FAM184A: variants seen among roughly 807,000 people sequenced by gnomAD.
FAM184A encodes the protein family with sequence similarity 184 member A, also known as protein FAM184A.
FAM184A carries 99 observed loss-of-function variants against 143.8 expected under a neutral mutation model. The ratio of observed to expected loss-of-function variants is 0.69; its 90% CI spans 0.58 to 0.81. FAM184A has a LOEUF of 0.81. FAM184A is among the 40% of genes least tolerant of loss of function. The pLI is 0.00. For missense variants in FAM184A, 1,217 were observed against 1,310.5 expected, an observed-to-expected ratio of 0.93 and a Z score of 1.10; for synonymous variants, 427 against 446.4, an observed-to-expected ratio of 0.96 and a Z score of 0.55.
chr6:119,137,173 G>T (rs528682485), intron 1 of FAM184A, among the ~76,000 whole-genome samples: 1 of 152,278 alleles, frequency 6.6e-6, no homozygotes, highest in Admixed American at 6.5e-5. Flanking sequence ...TGGGATCAGG[G>T]TGCCAGCCTA....
chr6:119,047,267 G>C (rs1412519107), intron 1 of FAM184A, among the ~76,000 whole-genome samples: 1 of 152,166 alleles, frequency 6.6e-6, no homozygotes, highest in Non-Finnish European at 1.5e-5. Context: ...GGGAACCCTT[G>C]TACACTATGG....
chr6:119,118,936 G>A (rs985739598), intron 1 of FAM184A, among the ~76,000 whole-genome samples: 1 of 152,136 alleles, frequency 6.6e-6, no homozygotes, highest in East Asian at 1.9e-4. Flanking sequence ...GAGAAATATC[G>A]CTGAATTCTT....
chr6:119,019,019 T>C (rs1785357778), intron 4 of FAM184A, among the ~76,000 whole-genome samples: 1 of 152,038 alleles, frequency 6.6e-6, no homozygotes, highest in African/African-American at 2.4e-5. Context: ...GTGGAAAGGA[T>C]AAAAGACTTA....
chr6:118,990,155 C>T (rs1443641000), intron 9 of FAM184A, among the ~76,000 whole-genome samples: 1 of 152,106 alleles, frequency 6.6e-6, no homozygotes, highest in African/African-American at 2.4e-5. Flanking sequence ...GAACTGATGT[C>T]CTAGTACTAG....
chr6:119,133,796 A>G (rs77285873), intron 1 of FAM184A, among the ~76,000 whole-genome samples: 3,443 of 152,160 alleles, frequency 0.023, 118 homozygotes, highest in African/African-American at 0.074. Flanking sequence ...GCATACCACC[A>G]CACCTGGCTA....
chr6:119,112,231 A>C lies in FAM184A; in HGVS notation c.-202+36847T>G, dbSNP rs2114849488. 2.0e-5 allele frequency among the ~76,000 whole-genome samples: 3 copies of C among 151,882 alleles called. 1 individual carries two copies. The highest frequency in any genetic ancestry group is 6.8e-3 in the Middle Eastern group (2 of 294). The stretch of plus-strand genomic sequence containing the variant: ...ATCACAACCTCCGCCTCCCGGGTTC[A>C]AGCAATTCTCCTGCCTCAGCCTCCT... On this transcript the variant is annotated intron_variant, in intron 1 of 16. Coordinates refer to the FAM184A transcript ENST00000352896.
intron 2 of FAM184A, 137 bp downstream of exon 2, chr6:119,023,822 T>TAAAAAAAAA (rs11353751): frequency 2.6e-6 from 1 of 389,420 alleles, no homozygotes; most frequent in Non-Finnish European, 4.2e-6. Context: ...CAGGAAAAGT[T>TAAAAAAAAA]AAAAAAAAAA....
intron 1 of FAM184A, among the ~76,000 whole-genome samples, chr6:119,052,485 G>A (rs910751590): frequency 1.2e-4 from 19 of 152,132 alleles, no homozygotes; most frequent in African/African-American, 9.7e-5. Flanking sequence ...CTGATCTTTC[G>A]GCTTCCCCTC....
At position 118,975,969 on chromosome 6, in the gene FAM184A, A is replaced by G; in HGVS notation, c.2531T>C (p.Leu844Ser). The G allele has an allele frequency of 6.2e-7, 1 of 1,613,596 alleles. No individual in the cohort carries two copies. The highest frequency in any genetic ancestry group is 1.1e-5 in the South Asian group (1 of 91,022). The change falls in exon 12 of 18, where the codon TTG becomes TCG. Residue 844 changes from leucine to serine, a missense_variant. Physicochemically the swap from Leu to Ser is moderately radical, Grantham distance 145. Coordinates refer to ENST00000338891, the MANE Select transcript of FAM184A (RefSeq NM_024581.6). ...CTCTAATTCCATTTTAGCAGCTGCC[A>G]ATTCTTGATGATGATTATGCCGTAA... Reference protein sequence around the residue: ...DLLRHNHHQELAAAKMELERS... With the variant: ...DLLRHNHHQESAAAKMELERS...
Position 119,023,564 on chromosome 6 carries a change from C to CTG in FAM184A, c.1014+394_1014+395insCA, listed in dbSNP as rs1324427094. Among the ~76,000 whole-genome samples, 3 of 112,204 alleles carry CTG rather than the reference C, an allele frequency of 2.7e-5. 1 individual carries two copies. Among genetic ancestry groups the CTG allele is most frequent in the Middle Eastern group, 4.8e-3 (1 of 210 alleles). 73.6% of individuals were successfully genotyped at this position (112,204 alleles called of 152,430 possible). On this transcript the variant is annotated intron_variant, in intron 2 of 17. Transcript: ENST00000338891. ...ATTAGCAATATTGTCCGCCCCCCCC[C>CTG]CCAGGAACAGCGTATTACCTCGCTA...
At chr6:119,145,256 G>T (rs1039231179) in intron 1 of FAM184A, among the ~76,000 whole-genome samples, 3 of 152,190 alleles carry the variant, frequency 2.0e-5, no homozygotes, top group Non-Finnish European at 4.4e-5. Context: ...TCCCCAGGTT[G>T]CAGCAACAGC....
At chr6:119,040,171 G>A (rs941662580) in intron 1 of FAM184A, among the ~76,000 whole-genome samples, 2 of 116,286 alleles carry the variant, frequency 1.7e-5, no homozygotes, top group Non-Finnish European at 4.2e-5. Context: ...GCCTCAGTCT[G>A]TTTTTCTGCT....
At chr6:119,051,833 T>C (rs965340935) in intron 1 of FAM184A, among the ~76,000 whole-genome samples, 1 of 152,204 alleles carries the variant, frequency 6.6e-6, no homozygotes, top group Non-Finnish European at 1.5e-5. Flanking sequence ...TAATAAAAGT[T>C]AATGAGGTGA....
intron 1 of FAM184A, among the ~76,000 whole-genome samples, chr6:119,107,643 T>C (rs1369092954): frequency 6.6e-6 from 1 of 152,044 alleles, no homozygotes. Context: ...CTGGGCATGG[T>C]GGCATGCACC....
intron 1 of FAM184A, chr6:119,025,659 A>T: frequency 1.9e-6 from 1 of 516,480 alleles, no homozygotes; most frequent in Non-Finnish European, 3.9e-6. Context: ...CTCGGATGCC[A>T]TCCATCATGC....
chr6:119,141,575 C>CT (rs1772237603), intron 1 of FAM184A, among the ~76,000 whole-genome samples: 1 of 152,296 alleles, frequency 6.6e-6, no homozygotes, highest in South Asian at 2.1e-4. Flanking sequence ...CTCCCAGGTT[C>CT]AAGCGATTCT....
At chr6:119,124,915 T>G (rs1026007642) in intron 1 of FAM184A, among the ~76,000 whole-genome samples, 4 of 152,194 alleles carry the variant, frequency 2.6e-5, no homozygotes, top group Non-Finnish European at 4.4e-5. Flanking sequence ...CACAGGAAAA[T>G]GCATATGTGC....
chr6:119,098,242 C>A (rs754635216), intron 1 of FAM184A, among the ~76,000 whole-genome samples: 19 of 152,164 alleles, frequency 1.2e-4, no homozygotes, highest in African/African-American at 3.9e-4. Context: ...GTAAGACATG[C>A]CTTTCGCCTT....
chr6:118,961,926 A>T lies in FAM184A; in HGVS notation c.3176T>A (p.Phe1059Tyr). ...KKNDKSPTNRFVSVPNLSALE... is the reference protein window; with the variant it reads ...KKNDKSPTNRYVSVPNLSALE... ...AGCACTTAGATTGGGAACACTCACA[A>T]ACCTGTTTGTTGGTGATTTATCATT... Residue 1059 changes from phenylalanine to tyrosine, a missense_variant, in exon 17 of 18, where the codon TTT becomes TAT. Phe to Tyr is a conservative substitution (Grantham distance 22). Transcript: ENST00000338891. The T allele has an allele frequency of 1.2e-6, 2 of 1,613,884 alleles. No individual in the cohort carries two copies. Among genetic ancestry groups the T allele is most frequent in the Middle Eastern group, 1.7e-4 (1 of 6,060 alleles).
Sources: allele counts gnomAD v4.1 joint callset (sites outside exome capture counted in the v4.1 genomes callset), GRCh38; gene constraint gnomAD v4.1.1; transcripts MANE v1.5; gene names NCBI Gene and HGNC (gene_info 2026-07-23, HGNC 2026-07-21).